The following PDLIM5 variants were observed in gnomAD, a reference collection of about 807,000 sequenced individuals.
The protein encoded by PDLIM5 is PDZ and LIM domain 5, also known as PDZ and LIM domain protein 5.
PDLIM5 carries 34 observed loss-of-function variants against 64.2 expected under a neutral mutation model. The ratio of observed to expected loss-of-function variants is 0.53; its 90% CI spans 0.40 to 0.71. The LOEUF (loss-of-function observed/expected upper bound fraction) is 0.71, where lower values mean the gene tolerates loss of function less well. Ranked by LOEUF, PDLIM5 falls within the 30% of genes least tolerant of loss-of-function variation. The pLI is 0.00. For synonymous variants in PDLIM5, 253 were observed against 269.1 expected, an observed-to-expected ratio of 0.94 and a Z score of 0.59; for missense variants, 683 against 733.6, an observed-to-expected ratio of 0.93 and a Z score of 0.80.
In PDLIM5 at chr4:94,630,056, C is replaced by G. The variant is rs181745903; in HGVS notation, c.1109-10220C>G. On this transcript the variant is annotated intron_variant, in intron 8 of 12. Coordinates refer to ENST00000317968, the MANE Select transcript of PDLIM5 (RefSeq NM_006457.5). ...GAAGGGGCAGAGAAGAAAGCACTTGCTGCACACAATAGTATGCAAGCATGT... is the reference window on the plus strand; with the variant it reads ...GAAGGGGCAGAGAAGAAAGCACTTGGTGCACACAATAGTATGCAAGCATGT... Among the ~76,000 whole-genome samples the G allele has an allele frequency of 6.6e-5, 10 of 152,292 alleles. No individual in the cohort carries two copies. In the East Asian group the frequency reaches 1.7e-3, roughly 26 times the overall value.
chr4:94,643,224 G>A (rs1167654715), intron 9 of PDLIM5, among the ~76,000 whole-genome samples: 1 of 152,102 alleles, frequency 6.6e-6, no homozygotes, highest in Non-Finnish European at 1.5e-5. Flanking sequence ...TTTGAATTGT[G>A]AAAAGTTTAT....
At chr4:94,545,435 C>T (rs774233389) in intron 3 of PDLIM5, among the ~76,000 whole-genome samples, 7 of 151,788 alleles carry the variant, frequency 4.6e-5, no homozygotes, top group Admixed American at 1.3e-4. Flanking sequence ...TATGTTTTTC[C>T]GGGGGAAAAA....
chr4:94,531,576 T>A (rs1298110574), intron 3 of PDLIM5, among the ~76,000 whole-genome samples: 2 of 152,154 alleles, frequency 1.3e-5, no homozygotes, highest in African/African-American at 4.8e-5. Context: ...CAAATTTGTG[T>A]TGGGCTGCAT....
At chr4:94,659,494 A>G (rs6532500) in intron 11 of PDLIM5, among the ~76,000 whole-genome samples, 21,015 of 108,616 alleles carry the variant, frequency 0.19, 1,817 homozygotes, top group Admixed American at 0.23. Flanking sequence ...ATATGTGTGT[A>G]TGTGTGTGTG....
intron 3 of PDLIM5, among the ~76,000 whole-genome samples, chr4:94,542,088 G>A (rs1326750888): frequency 2.0e-5 from 3 of 152,150 alleles, no homozygotes; most frequent in African/African-American, 7.2e-5. Context: ...GAGGTGGGCA[G>A]ATCACCTGAG....
intron 3 of PDLIM5, among the ~76,000 whole-genome samples, chr4:94,571,492 C>A (rs1734794989): frequency 6.6e-6 from 1 of 152,118 alleles, no homozygotes; most frequent in African/African-American, 2.4e-5. Flanking sequence ...AAATTGTTGA[C>A]CCCATAGCAC....
intron 8 of PDLIM5, among the ~76,000 whole-genome samples, chr4:94,631,399 A>G (rs544666613): frequency 3.9e-5 from 6 of 152,208 alleles, no homozygotes; most frequent in Non-Finnish European, 5.9e-5. Context: ...GAATACATGA[A>G]GGGCTTAAAA....
At chr4:94,590,592 A>G (rs1305043878) in intron 7 of PDLIM5, among the ~76,000 whole-genome samples, 1 of 152,212 alleles carries the variant, frequency 6.6e-6, no homozygotes, top group African/African-American at 2.4e-5. Context: ...GGGAAGGATT[A>G]CTTTAGATTA....
At chr4:94,484,910 T>G (rs1162983318) in intron 2 of PDLIM5, among the ~76,000 whole-genome samples, 1 of 152,182 alleles carries the variant, frequency 6.6e-6, no homozygotes, top group Non-Finnish European at 1.5e-5. Context: ...TTCCTAATAT[T>G]TATCTTGACA....
chr4:94,491,813 G>T (rs1466084627), intron 2 of PDLIM5, among the ~76,000 whole-genome samples: 1 of 152,034 alleles, frequency 6.6e-6, no homozygotes, highest in Non-Finnish European at 1.5e-5. Context: ...GGAGTACAAT[G>T]TGATGTTTTG....
intron 2 of PDLIM5, among the ~76,000 whole-genome samples, chr4:94,487,982 A>G (rs1326024795): frequency 6.6e-6 from 1 of 152,170 alleles, no homozygotes. Context: ...AAGGACACAA[A>G]TGTTTGAGAA....
At chr4:94,604,855 T>A (rs977100380) in intron 7 of PDLIM5, among the ~76,000 whole-genome samples, 5 of 152,214 alleles carry the variant, frequency 3.3e-5, no homozygotes, top group African/African-American at 7.2e-5. Flanking sequence ...ATGTTATGTA[T>A]TTTTTACCAC....
At position 94,564,673 on chromosome 4, in the gene PDLIM5, T is replaced by TTTTTTTTTTTG. The variant is rs1195951922; in HGVS notation, c.249-8676_249-8675insTTTTTTTTGTT. ...TTTTGTCTCTTTTTTTTTTTTTTTT[T>TTTTTTTTTTTG]TTGACAGAGTCTTGCTTTGTCTCCC... On this transcript the variant is annotated intron_variant, in intron 3 of 12. Coordinates refer to ENST00000317968, the MANE Select transcript of PDLIM5 (RefSeq NM_006457.5). Among the ~76,000 whole-genome samples, 1,272 of 144,794 alleles carry TTTTTTTTTTTG rather than the reference T, an allele frequency of 8.8e-3. 68 individuals are homozygous for TTTTTTTTTTTG. The highest frequency in any genetic ancestry group is 0.033 in the African/African-American group (1,183 of 36,008). The allele number at this position is 144,794 out of a possible 152,430, so 95.0% of individuals were successfully genotyped here.
At chr4:94,565,194 C>T (rs539016590) in intron 3 of PDLIM5, among the ~76,000 whole-genome samples, 1 of 152,206 alleles carries the variant, frequency 6.6e-6, no homozygotes, top group South Asian at 2.1e-4. Flanking sequence ...CATATTAATC[C>T]TTACAGGATA....
At chr4:94,488,145 C>G (rs573629999) in intron 2 of PDLIM5, among the ~76,000 whole-genome samples, 44 of 152,284 alleles carry the variant, frequency 2.9e-4, no homozygotes, top group Admixed American at 2.6e-3. Context: ...CTGATGCAGT[C>G]CAGCTTGCTG....
intron 2 of PDLIM5, among the ~76,000 whole-genome samples, chr4:94,486,843 A>C (rs1249972629): frequency 6.6e-6 from 1 of 152,084 alleles, no homozygotes; most frequent in Admixed American, 6.6e-5. Context: ...CTCTACAAAA[A>C]AGTTAAAAAA....
intron 2 of PDLIM5, chr4:94,455,945 C>T (rs1272919758): frequency 4.7e-6 from 7 of 1,498,708 alleles, no homozygotes; most frequent in Non-Finnish European, 6.2e-6. Context: ...GGCTTTTTAC[C>T]TCATTATGGA....
chr4:94,628,484 C>A (rs558628935), intron 8 of PDLIM5, among the ~76,000 whole-genome samples: 1 of 151,744 alleles, frequency 6.6e-6, no homozygotes, highest in South Asian at 2.1e-4. Flanking sequence ...TCATTAGAGA[C>A]GTTGTAGATA....
At chr4:94,487,011 T>A (rs1322835865) in intron 2 of PDLIM5, among the ~76,000 whole-genome samples, 1 of 151,896 alleles carries the variant, frequency 6.6e-6, no homozygotes, top group Admixed American at 6.6e-5. Context: ...TCTTAAAAAA[T>A]TAAAATAAAA....
Sources: gnomAD v4.1 joint callset for allele counts (sites outside exome capture counted in the v4.1 genomes callset) on GRCh38, gnomAD v4.1.1 for gene constraint, MANE v1.5 for transcripts, NCBI Gene and HGNC (gene_info 2026-07-23, HGNC 2026-07-21) for gene names.